RGL1: variants seen among roughly 807,000 people sequenced by gnomAD.
RGL1 encodes the protein ral guanine nucleotide dissociation stimulator like 1.
A neutral mutation model predicts 95.2 loss-of-function variants in RGL1; 24 were observed. The observed-to-expected ratio is 0.25, with a 90% CI of 0.18 to 0.35. The LOEUF (loss-of-function observed/expected upper bound fraction) is 0.35. Among genes scored for constraint, RGL1 ranks in the 10% least tolerant of loss-of-function variants. The pLI is 1.00. For missense variants in RGL1, 715 were observed against 936.3 expected, an observed-to-expected ratio of 0.76 and a Z score of 3.08; for synonymous variants, 329 against 344.9, an observed-to-expected ratio of 0.95 and a Z score of 0.51.
chr1:183,757,714 T>G (rs954064592), intron 2 of RGL1, among the ~76,000 whole-genome samples: 6 of 152,198 alleles, frequency 3.9e-5, no homozygotes, highest in African/African-American at 1.4e-4. Flanking sequence ...GCTTTCATAT[T>G]TATTAATATA....
chr1:183,817,810 G>A (rs376948828), intron 2 of RGL1, among the ~76,000 whole-genome samples: 3 of 152,182 alleles, frequency 2.0e-5, no homozygotes, highest in African/African-American at 7.2e-5. Flanking sequence ...CAAGGCATGC[G>A]TGTAACACTC....
At chr1:183,800,108 T>A (rs1465498758) in intron 2 of RGL1, among the ~76,000 whole-genome samples, 2 of 152,202 alleles carry the variant, frequency 1.3e-5, no homozygotes, top group African/African-American at 4.8e-5. Context: ...ATGCCATATG[T>A]CCCATCATTT....
chr1:183,699,700 C>G (rs376914112), intron 1 of RGL1, among the ~76,000 whole-genome samples: 7 of 152,136 alleles, frequency 4.6e-5, no homozygotes, highest in African/African-American at 1.7e-4. Context: ...TGCCTTTTAG[C>G]CCTGATTGGA....
chr1:183,685,295 G>A (rs986760486), intron 1 of RGL1, among the ~76,000 whole-genome samples: 1 of 152,300 alleles, frequency 6.6e-6, no homozygotes, highest in African/African-American at 2.4e-5. Context: ...GATCAGCAGT[G>A]CCATCTTGTG....
intron 16 of RGL1, among the ~76,000 whole-genome samples, chr1:183,917,278 C>G (rs1669034279): frequency 6.6e-6 from 1 of 152,180 alleles, no homozygotes; most frequent in African/African-American, 2.4e-5. Flanking sequence ...CTTGTAAAAT[C>G]TGTGTGTTTC....
At chr1:183,690,648 T>C (rs1007336701) in intron 1 of RGL1, among the ~76,000 whole-genome samples, 1 of 152,054 alleles carries the variant, frequency 6.6e-6, no homozygotes, top group Admixed American at 6.5e-5. Context: ...ATGTATCCCA[T>C]TGTTGCCCAA....
chr1:183,873,423 G>T (rs1666303076), intron 4 of RGL1, among the ~76,000 whole-genome samples: 1 of 152,148 alleles, frequency 6.6e-6, no homozygotes, highest in African/African-American at 2.4e-5. Context: ...TCACTTTATA[G>T]GATATAAAGT....
chr1:183,880,576 A>C, intron 4 of RGL1, 40 bp from the exon 5 acceptor site: 1 of 1,600,238 alleles, frequency 6.2e-7, no homozygotes, highest in East Asian at 2.2e-5. Flanking sequence ...GCCTCCCCAC[A>C]GCCAGTTGGG....
intron 1 of RGL1, among the ~76,000 whole-genome samples, chr1:183,730,198 G>A (rs924719409): frequency 2.6e-5 from 4 of 152,148 alleles, no homozygotes. Context: ...CATTATAAAG[G>A]TGTTGACAAT....
At chr1:183,805,801 T>C (rs565295328) in intron 1 of RGL1, among the ~76,000 whole-genome samples, 5 of 152,162 alleles carry the variant, frequency 3.3e-5, no homozygotes, top group Admixed American at 3.3e-4. Flanking sequence ...TCCAAAACAA[T>C]GAGGAGAAAA....
At position 183,853,196 on chromosome 1, in the gene RGL1, C is replaced by T. The variant is rs531389037; in HGVS notation, c.347+5422C>T. Among the ~76,000 whole-genome samples the T allele has an allele frequency of 4.6e-5, 7 of 152,120 alleles. No individual in the cohort carries two copies. The East Asian group carries it at 7.7e-4, about 17-fold the overall frequency. ...ACTAAAAATACAAAAGTTAGCTGGG[C>T]GTGGTGGTGCATGCCTGTAGCCCTA... On this transcript the variant is annotated intron_variant, in intron 3 of 17. Coordinates refer to ENST00000360851, the MANE Select transcript of RGL1 (RefSeq NM_001297671.3).
chr1:183,693,023 C>G (rs1654047958), intron 1 of RGL1, among the ~76,000 whole-genome samples: 1 of 151,494 alleles, frequency 6.6e-6, no homozygotes, highest in African/African-American at 2.4e-5. Flanking sequence ...GGCACGATCT[C>G]AGCTCACTGC....
intron 4 of RGL1, among the ~76,000 whole-genome samples, chr1:183,869,659 A>T (rs1194322055): frequency 1.3e-5 from 2 of 150,788 alleles, no homozygotes; most frequent in Non-Finnish European, 3.0e-5. Context: ...TTTTCATCTC[A>T]CTTCACTATT....
At chr1:183,775,589 T>C (rs946441843) in intron 2 of RGL1, among the ~76,000 whole-genome samples, 1 of 152,222 alleles carries the variant, frequency 6.6e-6, no homozygotes, top group Non-Finnish European at 1.5e-5. Flanking sequence ...ACAATTTAGT[T>C]TGAACATGGG....
chr1:183,916,821 C>CTA, intron 16 of RGL1, 120 bp downstream of exon 16: 31 of 1,143,530 alleles, frequency 2.7e-5, no homozygotes, highest in Non-Finnish European at 3.6e-5. Context: ...TACATATATG[C>CTA]ATTCACACAG....
Position 183,753,903 on chromosome 1 carries a change from A to T in RGL1, c.132+11614A>T, listed in dbSNP as rs180688462. 1.1e-3 allele frequency among the ~76,000 whole-genome samples: 165 copies of T among 151,998 alleles called. 5 individuals carry two copies. Among genetic ancestry groups the T allele is most frequent in the East Asian group, 1.9e-4 (1 of 5,186 alleles). ...TATCTGTTGTTTCTTTTGGCTCTTG[A>T]ACATGGTGTTTTGTTTCTTTGTGAG... On this transcript the variant is annotated intron_variant, in intron 2 of 18. Transcript: ENST00000304685.
At chr1:183,705,435 G>T (rs1023037642) in intron 1 of RGL1, among the ~76,000 whole-genome samples, 4 of 152,060 alleles carry the variant, frequency 2.6e-5, no homozygotes, top group Non-Finnish European at 5.9e-5. Context: ...CTACATAGGT[G>T]TAGATCATCA....
chr1:183,805,101 C>A (rs551351458), upstream of RGL1: 12 of 537,708 alleles, frequency 2.2e-5, no homozygotes, highest in East Asian at 4.7e-4. Context: ...CTTGCTCGCT[C>A]GCTCGCCGCG....
At chr1:183,909,221 A>T (rs764041682) in intron 14 of RGL1, among the ~76,000 whole-genome samples, 8 of 152,198 alleles carry the variant, frequency 5.3e-5, no homozygotes, top group Admixed American at 2.0e-4. Flanking sequence ...AGATTTCATG[A>T]TCTTCTTAGC....
Sources: gnomAD v4.1 joint callset for allele counts (sites outside exome capture counted in the v4.1 genomes callset) on GRCh38, gnomAD v4.1.1 for gene constraint, MANE v1.5 for transcripts, NCBI Gene and HGNC (gene_info 2026-07-23, HGNC 2026-07-21) for gene names.